The following ENTREP2 variants were observed in gnomAD, a reference collection of about 807,000 sequenced individuals.
ENTREP2 encodes the protein endosomal transmembrane epsin interactor 2, also known as protein ENTREP2.
At chr15:29,609,301 G>T in the ENTREP2 span, among the ~76,000 whole-genome samples, 1 of 150,018 alleles carries the variant, frequency 6.7e-6, no homozygotes, top group Non-Finnish European at 1.5e-5. Context: ...TGGATATGTG[G>T]GTTGTTTCTG....
chr15:29,652,896 G>C, the ENTREP2 span, among the ~76,000 whole-genome samples: 1 of 152,208 alleles, frequency 6.6e-6, no homozygotes, highest in Non-Finnish European at 1.5e-5. Context: ...TGAGTGGGAG[G>C]AATAAGCTGA....
At chr15:29,164,071 T>C in the ENTREP2 span, among the ~76,000 whole-genome samples, 1 of 152,156 alleles carries the variant, frequency 6.6e-6, no homozygotes, top group South Asian at 2.1e-4. Context: ...AAACTAAGCA[T>C]CATATATGAA....
At chr15:29,413,716 T>G in the ENTREP2 span, among the ~76,000 whole-genome samples, 1 of 152,110 alleles carries the variant, frequency 6.6e-6, no homozygotes, top group Non-Finnish European at 1.5e-5. Context: ...TTGCCTGGAC[T>G]TCCTAAAATG....
the ENTREP2 span, among the ~76,000 whole-genome samples, chr15:29,275,987 C>T: frequency 6.6e-6 from 1 of 152,212 alleles, no homozygotes; most frequent in Non-Finnish European, 1.5e-5. Flanking sequence ...ATCCAGACAT[C>T]TTAATGGTTG....
chr15:29,556,630 AC>A, the ENTREP2 span, among the ~76,000 whole-genome samples: 2 of 152,210 alleles, frequency 1.3e-5, no homozygotes, highest in Admixed American at 6.5e-5. Flanking sequence ...CAGGGTACAC[AC>A]CCGGCTGACT....
the ENTREP2 span, among the ~76,000 whole-genome samples, chr15:29,144,096 GAA>G: frequency 6.6e-6 from 1 of 152,178 alleles, no homozygotes; most frequent in African/African-American, 2.4e-5. Flanking sequence ...AGGGTAAGAA[GAA>G]AGTCATGCTG....
chr15:29,672,919 G>C, the ENTREP2 span, among the ~76,000 whole-genome samples: 3 of 152,250 alleles, frequency 2.0e-5, no homozygotes, highest in East Asian at 5.8e-4. Flanking sequence ...GACTCCATAG[G>C]CAGGGCAGTG....
the ENTREP2 span, among the ~76,000 whole-genome samples, chr15:29,377,460 T>C: frequency 6.6e-6 from 1 of 152,042 alleles, no homozygotes; most frequent in South Asian, 2.1e-4. Context: ...CTATATGAGA[T>C]GCCAGGCAAG....
the ENTREP2 span, among the ~76,000 whole-genome samples, chr15:29,586,106 T>C: frequency 6.6e-6 from 1 of 152,158 alleles, no homozygotes; most frequent in African/African-American, 2.4e-5. Flanking sequence ...CAAAATGTGG[T>C]ATATCCCAAC....
chr15:29,620,720 GGAA>G, the ENTREP2 span, among the ~76,000 whole-genome samples: 2 of 152,070 alleles, frequency 1.3e-5, no homozygotes, highest in East Asian at 1.9e-4. Flanking sequence ...GAAATAAGTG[GGAA>G]GAAGGAGTTC....
At chr15:29,520,137 G>A in the ENTREP2 span, among the ~76,000 whole-genome samples, 8 of 152,036 alleles carry the variant, frequency 5.3e-5, no homozygotes, top group Non-Finnish European at 1.0e-4. Flanking sequence ...TGCGCATGAC[G>A]GGTCCCCTAA....
the ENTREP2 span, among the ~76,000 whole-genome samples, chr15:29,279,842 T>C: frequency 1.4e-4 from 22 of 152,190 alleles, no homozygotes; most frequent in African/African-American, 5.3e-4. Context: ...AGAAATCATG[T>C]TGTATCTTTC....
the ENTREP2 span, among the ~76,000 whole-genome samples, chr15:29,274,965 G>T: frequency 6.6e-6 from 1 of 152,222 alleles, no homozygotes; most frequent in Non-Finnish European, 1.5e-5. Context: ...TGTTTGTACA[G>T]AATTCACTTG....
At chr15:29,503,596 A>C in the ENTREP2 span, among the ~76,000 whole-genome samples, 342 of 152,348 alleles carry the variant, frequency 2.2e-3, 1 homozygote, top group African/African-American at 7.7e-3. Context: ...TTATGTGAAT[A>C]ATACCTCAAT....
the ENTREP2 span, among the ~76,000 whole-genome samples, chr15:29,256,251 G>C: frequency 3.3e-5 from 5 of 152,094 alleles, no homozygotes; most frequent in Non-Finnish European, 7.4e-5. Flanking sequence ...ACTGGGTGAT[G>C]GGATTATGAG....
chr15:29,289,957 T>C, the ENTREP2 span, among the ~76,000 whole-genome samples: 1 of 152,034 alleles, frequency 6.6e-6, no homozygotes, highest in African/African-American at 2.4e-5. Context: ...ATAAATAAAA[T>C]GCAGGATGTA....
the ENTREP2 span, among the ~76,000 whole-genome samples, chr15:29,461,862 C>A: frequency 6.6e-6 from 1 of 152,134 alleles, no homozygotes; most frequent in South Asian, 2.1e-4. Context: ...ATCTTCAGAA[C>A]GTCTTCCAAG....
chr15:29,571,794 C>T, the ENTREP2 span, among the ~76,000 whole-genome samples: 4 of 152,250 alleles, frequency 2.6e-5, no homozygotes, highest in African/African-American at 7.2e-5. Context: ...GCCATAATTC[C>T]TTTGTGGCCC....
the ENTREP2 span, among the ~76,000 whole-genome samples, chr15:29,498,322 T>G: frequency 6.6e-6 from 1 of 152,144 alleles, no homozygotes; most frequent in Non-Finnish European, 1.5e-5. Flanking sequence ...AAAGTTTTGG[T>G]ACACTGTGTT....
Sources: allele counts gnomAD v4.1 joint callset (sites outside exome capture counted in the v4.1 genomes callset), GRCh38; gene constraint gnomAD v4.1.1; transcripts MANE v1.5; gene names NCBI Gene and HGNC (gene_info 2026-07-23, HGNC 2026-07-21).